ENTHD1: variants seen among roughly 807,000 people sequenced by gnomAD.
ENTHD1 encodes the protein ENTH domain containing 1.
In ENTHD1, 23 loss-of-function variants were observed where a neutral mutation model predicts 39.1. The ratio of observed to expected loss-of-function variants is 0.59; its 90% CI spans 0.42 to 0.83. The LOEUF is 0.83. Ranked by LOEUF, ENTHD1 falls within the 40% of genes least tolerant of loss-of-function variation. The pLI is 0.00. For synonymous variants in ENTHD1, 230 were observed against 258.2 expected, an observed-to-expected ratio of 0.89 and a Z score of 1.05; for missense variants, 624 against 705.4, an observed-to-expected ratio of 0.88 and a Z score of 1.31.
intron 2 of ENTHD1, among the ~76,000 whole-genome samples, chr22:39,886,518 C>A (rs770776923): frequency 6.6e-6 from 1 of 152,086 alleles, no homozygotes; most frequent in Non-Finnish European, 1.5e-5. Flanking sequence ...GGGAACTCTG[C>A]GTAACTTTCT....
Position 39,809,395 on chromosome 22 carries a change from C to G in ENTHD1, c.832+11598G>C, listed in dbSNP as rs568442171. Among the ~76,000 whole-genome samples, 5 of 152,294 alleles carry G rather than the reference C, an allele frequency of 3.3e-5. No homozygotes were observed. The South Asian group carries it at 1.0e-3, about 32-fold the overall frequency. ...TGAATGAGCAGAGAAGAGGGAGGAG[C>G]ACCACTGGCAGTGGGAAGGTGTTGA... is the stretch of plus-strand genomic sequence containing the variant. On this transcript the variant is annotated intron_variant, in intron 5 of 6. Coordinates refer to ENST00000325157, the MANE Select transcript of ENTHD1 (RefSeq NM_152512.4).
chr22:39,815,804 G>A lies in ENTHD1; in HGVS notation c.832+5189C>T, dbSNP rs73888177. Among the ~76,000 whole-genome samples the A allele has an allele frequency of 7.4e-3, 1,125 of 152,180 alleles. 16 individuals carry two copies. Among genetic ancestry groups the A allele is most frequent in the African/African-American group, 0.026 (1,078 of 41,498 alleles). On this transcript the variant is annotated intron_variant, in intron 5 of 6. Coordinates refer to ENST00000325157, the MANE Select transcript of ENTHD1 (RefSeq NM_152512.4). ...ACATACAATGAAATACTGTACAGCG[G>A]TGAAAATAAATAGGTGAATCTTAAG...
At chr22:39,788,932 T>C (rs1017752333) in intron 5 of ENTHD1, among the ~76,000 whole-genome samples, 2 of 152,220 alleles carry the variant, frequency 1.3e-5, no homozygotes, top group Admixed American at 1.3e-4. Flanking sequence ...GTATTTTACA[T>C]ATAATGCTAC....
intron 6 of ENTHD1, among the ~76,000 whole-genome samples, chr22:39,755,876 A>C (rs1345057751): frequency 6.6e-6 from 1 of 152,184 alleles, no homozygotes; most frequent in African/African-American, 2.4e-5. Context: ...TTTGTTCTAT[A>C]GATGAAGATA....
chr22:39,743,714 G>A lies in ENTHD1; in HGVS notation c.1789C>T (p.Pro597Ser). 6.2e-7 allele frequency: 1 copy of A among 1,613,398 alleles called. No individual in the cohort carries two copies. ...TCTGAGCTCCCCTCAGAAGACTGGG[G>A]GACCTGGGAAGACTGGCTTATTTGT... ...SSQISQSSQV[P>S]QSSEGSSDQI is the part of the protein sequence containing the mutation. The change falls in exon 7 of 7, where the codon CCC becomes TCC. Residue 597 changes from proline to serine, a missense_variant. Physicochemically the swap from Pro to Ser is moderately conservative, Grantham distance 74. Transcript: ENST00000325157.
chr22:39,857,911 G>A lies in ENTHD1; in HGVS notation c.592+3854C>T, dbSNP rs546839246. Among the ~76,000 whole-genome samples the A allele has an allele frequency of 1.2e-4, 18 of 152,272 alleles. No individual in the cohort carries two copies. The South Asian group carries it at 3.7e-3, about 32-fold the overall frequency. ...TCAGCGAGTCTTCATCTTTTTGCTG[G>A]TGGAGGGTCTTGTCTCCATGTTGAG... On this transcript the variant is annotated intron_variant, in intron 3 of 6. Coordinates refer to ENST00000325157, the MANE Select transcript of ENTHD1 (RefSeq NM_152512.4).
intron 5 of ENTHD1, among the ~76,000 whole-genome samples, chr22:39,784,512 A>G (rs921189772): frequency 1.3e-5 from 2 of 150,474 alleles, no homozygotes; most frequent in African/African-American, 4.9e-5. Context: ...CCCACCAATG[A>G]TGAAGAAAAT....
chr22:39,890,418 T>C (rs577873201), intron 1 of ENTHD1, among the ~76,000 whole-genome samples: 1 of 152,238 alleles, frequency 6.6e-6, no homozygotes, highest in East Asian at 1.9e-4. Flanking sequence ...AATGCAGAGA[T>C]GCACTATGAC....
At chr22:39,783,318 G>A (rs893566661) in intron 5 of ENTHD1, among the ~76,000 whole-genome samples, 3 of 150,566 alleles carry the variant, frequency 2.0e-5, no homozygotes, top group Non-Finnish European at 4.5e-5. Flanking sequence ...GCTCAATGAC[G>A]ATAGTACCAA....
intron 3 of ENTHD1, among the ~76,000 whole-genome samples, chr22:39,841,102 A>G (rs986166600): frequency 1.3e-5 from 2 of 152,142 alleles, no homozygotes; most frequent in Non-Finnish European, 2.9e-5. Context: ...TTTTGTAATA[A>G]TTTTAAGCTT....
intron 4 of ENTHD1, among the ~76,000 whole-genome samples, chr22:39,823,791 G>C (rs1457655796): frequency 6.6e-6 from 1 of 152,104 alleles, no homozygotes; most frequent in African/African-American, 2.4e-5. Context: ...TAATATATTC[G>C]TGTTTTAATT....
intron 5 of ENTHD1, among the ~76,000 whole-genome samples, chr22:39,766,706 C>T (rs945001665): frequency 1.3e-5 from 2 of 152,188 alleles, no homozygotes; most frequent in African/African-American, 4.8e-5. Context: ...ATCCTCATCA[C>T]TTTTGGGCTC....
At chr22:39,823,843 T>A (rs527755650) in intron 4 of ENTHD1, among the ~76,000 whole-genome samples, 1 of 152,366 alleles carries the variant, frequency 6.6e-6, no homozygotes, top group African/African-American at 2.4e-5. Context: ...CACTATTTTT[T>A]AATTTTAGCC....
intron 6 of ENTHD1, among the ~76,000 whole-genome samples, chr22:39,749,453 C>T (rs999734332): frequency 3.3e-5 from 5 of 152,114 alleles, no homozygotes; most frequent in African/African-American, 9.7e-5. Flanking sequence ...ACCAGTTAAT[C>T]GTGATATTAA....
chr22:39,747,836 C>A (rs191819922), intron 6 of ENTHD1, among the ~76,000 whole-genome samples: 1 of 152,038 alleles, frequency 6.6e-6, no homozygotes, highest in Non-Finnish European at 1.5e-5. Flanking sequence ...TCTTCACACA[C>A]GAAAATAATA....
At chr22:39,842,021 T>C (rs971218689) in intron 3 of ENTHD1, among the ~76,000 whole-genome samples, 1 of 151,532 alleles carries the variant, frequency 6.6e-6, no homozygotes, top group Non-Finnish European at 1.5e-5. Context: ...GATATGAATT[T>C]CTGGGTTGAA....
intron 5 of ENTHD1, among the ~76,000 whole-genome samples, chr22:39,795,915 A>T (rs1027585505): frequency 6.6e-6 from 1 of 151,808 alleles, no homozygotes; most frequent in African/African-American, 2.4e-5. Context: ...CTCAGTTGTT[A>T]TGTCTCCTTT....
chr22:39,860,289 C>T (rs2066129113), intron 3 of ENTHD1, among the ~76,000 whole-genome samples: 1 of 152,134 alleles, frequency 6.6e-6, no homozygotes, highest in Non-Finnish European at 1.5e-5. Context: ...AGAAAGGTAA[C>T]ATCGAAGAAG....
chr22:39,747,986 C>G (rs1303832422), intron 6 of ENTHD1, among the ~76,000 whole-genome samples: 1 of 152,052 alleles, frequency 6.6e-6, no homozygotes, highest in Non-Finnish European at 1.5e-5. Context: ...TGGTGGCTCA[C>G]ACCTGTAATC....
Sources: allele counts gnomAD v4.1 joint callset (sites outside exome capture counted in the v4.1 genomes callset), GRCh38; gene constraint gnomAD v4.1.1; transcripts MANE v1.5; gene names NCBI Gene and HGNC (gene_info 2026-07-23, HGNC 2026-07-21).